Variants in ADCY7 observed in about 807,000 individuals in gnomAD.
ADCY7 encodes adenylate cyclase 7.
A neutral mutation model predicts 120.6 loss-of-function variants in ADCY7; 72 were observed. That is an observed-to-expected ratio of 0.60 (90% CI 0.49 to 0.73). The LOEUF is 0.73. Ranked by LOEUF, ADCY7 falls within the 30% of genes least tolerant of loss-of-function variation. The probability of loss-of-function intolerance (pLI) is 0.00; values close to 1 mark genes in which losing one functional copy is unlikely to be tolerated. For missense variants in ADCY7, 1,227 were observed against 1,486.0 expected (o/e 0.83, Z 2.87); for synonymous variants, 661 against 628.0 (o/e 1.05, Z -0.78).
At chr16:50,305,991 CG>C (rs2036040522) in intron 14 of ADCY7, 142 bp downstream of exon 14, 4 of 716,174 alleles carry the variant, frequency 5.6e-6, no homozygotes, top group Admixed American at 2.1e-5. Context: ...TGCTCCTGGG[CG>C]GGGGGCAGGG....
At chr16:50,313,068 C>T in intron 22 of ADCY7, 32 bp downstream of exon 22, 1 of 1,611,690 alleles carries the variant, frequency 6.2e-7, no homozygotes, top group East Asian at 2.2e-5. Context: ...TGCGCAGCAG[C>T]CCCCACCCAT....
chr16:50,310,472 T>C (rs1567579448), intron 18 of ADCY7: 2 of 1,536,310 alleles, frequency 1.3e-6, no homozygotes, highest in African/African-American at 2.7e-5. Flanking sequence ...TACTGTTTTT[T>C]CCCGTTTAAA....
chr16:50,311,801 C>CG lies in ADCY7; in HGVS notation c.2448+15_2448+16insG, dbSNP rs1491372621. 7 of 53,680 alleles carry CG rather than the reference C, an allele frequency of 1.3e-4. No individual in the cohort carries two copies. The highest frequency in any genetic ancestry group is 3.8e-4 in the African/African-American group (2 of 5,332). 3.3% of individuals were successfully genotyped at this position (53,680 alleles called of 1,614,324 possible). On this transcript the variant is annotated intron_variant, in intron 20 of 25. Coordinates refer to ENST00000673801, the MANE Select transcript of ADCY7 (RefSeq NM_001114.5). ...TCTCCAGACAGGTAAGGAGGCTGGC[C>CG]CCCCCCCCCCCCCCAAGCTCTGCCC...
chr16:50,315,041 G>C lies in ADCY7; in HGVS notation c.2999G>C (p.Gly1000Ala). The change falls in exon 25 of 26, where the codon GGA (glycine) becomes GCA (alanine). Residue 1000 changes from glycine to alanine, a missense_variant. By Grantham distance (60) the Gly-to-Ala change is moderately conservative. Transcript: ENST00000673801. ...VGINHGPVIA[G>A]VIGARKPQYD... is the part of the protein sequence containing the mutation. ...ATAAACCATGGGCCTGTGATTGCTG[G>C]AGTGATTGGGGCCCGAAAACCTCAG... The C allele has an allele frequency of 6.2e-7, 1 of 1,614,230 alleles. No individual in the cohort carries two copies. The highest frequency in any genetic ancestry group is 8.5e-7 in the Non-Finnish European group (1 of 1,180,038).
At chr16:50,304,033 C>T (rs1489110193) in intron 10 of ADCY7, among the ~76,000 whole-genome samples, 3 of 151,984 alleles carry the variant, frequency 2.0e-5, no homozygotes, top group Non-Finnish European at 4.4e-5. Context: ...CCAAGCCCTG[C>T]CTCTCTCCCT....
chr16:50,304,422 G>A lies in ADCY7; in HGVS notation c.1431G>A (p.Lys477=). 6.2e-7 allele frequency: 1 copy of A among 1,602,214 alleles called. No individual in the cohort carries two copies. Among genetic ancestry groups the A allele is most frequent in the Non-Finnish European group, 8.5e-7 (1 of 1,174,306 alleles). Residue 477 remains lysine (K), a synonymous_variant, in exon 11 of 26, where the codon AAG becomes AAA. Coordinates refer to ENST00000673801, the MANE Select transcript of ADCY7 (RefSeq NM_001114.5). The part of the protein sequence containing the change: ...LPRPKGDAAL[K]MRASVRMTRY... ...GGCCCAAGGGGGACGCGGCCCTGAA[G>A]ATGCGGGCGTCAGTGCGCATGACCC...
chr16:50,291,605 C>T (rs1257452025), intron 3 of ADCY7, 131 bp from the exon 4 acceptor site: 6 of 971,258 alleles, frequency 6.2e-6, no homozygotes, highest in Non-Finnish European at 9.4e-6. Context: ...GTATGTCTGC[C>T]CACGCAGGGG....
chr16:50,306,341 C>T (rs1158103890), intron 14 of ADCY7, among the ~76,000 whole-genome samples: 1 of 152,172 alleles, frequency 6.6e-6, no homozygotes, highest in Non-Finnish European at 1.5e-5. Flanking sequence ...AGGGGTGCTG[C>T]TATACCACTT....
chr16:50,313,874 C>G (rs2036628843), intron 22 of ADCY7, 84 bp from the exon 23 acceptor site: 2 of 1,155,110 alleles, frequency 1.7e-6, no homozygotes, highest in South Asian at 2.7e-5. Flanking sequence ...GTGGAGGGAA[C>G]CCCACACCCT....
intron 18 of ADCY7, 92 bp downstream of exon 18, chr16:50,309,738 A>G: frequency 8.9e-7 from 1 of 1,127,390 alleles, no homozygotes; most frequent in Non-Finnish European, 1.3e-6. Context: ...ATGGGTGCTG[A>G]CCCCTGAGAG....
At chr16:50,308,439 C>G (rs767900643) in intron 16 of ADCY7, 28 bp downstream of exon 16, 6 of 1,613,184 alleles carry the variant, frequency 3.7e-6, no homozygotes, top group Non-Finnish European at 5.1e-6. Flanking sequence ...GCCCCGCGGG[C>G]CCTCCCTCCC....
intron 23 of ADCY7, 45 bp from the exon 24 acceptor site, chr16:50,314,247 G>A (rs1408859503): frequency 1.6e-5 from 25 of 1,567,462 alleles, no homozygotes; most frequent in Middle Eastern, 1.7e-4. Context: ...ACTAGGTCTG[G>A]GGGCTCTGGA....
chr16:50,270,176 CAGATAGAT>C (rs35858506), intron 1 of ADCY7, among the ~76,000 whole-genome samples: 1,573 of 141,290 alleles, frequency 0.011, 16 homozygotes, highest in African/African-American at 0.026. Context: ...GACCCTGTCT[CAGATAGAT>C]AGATAGATAG....
intron 11 of ADCY7, 135 bp from the exon 12 acceptor site, chr16:50,304,790 A>T (rs1403774158): frequency 8.1e-7 from 1 of 1,238,340 alleles, no homozygotes; most frequent in Non-Finnish European, 1.2e-6. Context: ...TATAGTCAGG[A>T]TGTCTGTGGC....
chr16:50,245,914 C>G (rs2032565913), upstream of ADCY7, among the ~76,000 whole-genome samples: 1 of 150,646 alleles, frequency 6.6e-6, no homozygotes, highest in Non-Finnish European at 1.5e-5. Context: ...CCCGGCCGCT[C>G]CCTCCCGCGG....
intron 6 of ADCY7, among the ~76,000 whole-genome samples, chr16:50,293,946 C>A (rs185823011): frequency 1.3e-5 from 2 of 152,274 alleles, no homozygotes; most frequent in East Asian, 1.9e-4. Context: ...ATGCACTGAC[C>A]TGAGTTTGTC....
At chr16:50,299,608 G>A (rs551144372) in intron 8 of ADCY7, among the ~76,000 whole-genome samples, 42 of 152,332 alleles carry the variant, frequency 2.8e-4, no homozygotes, top group East Asian at 9.7e-4. Context: ...GGGGCTGCCC[G>A]TCCTGGATAT....
intron 17 of ADCY7, 61 bp from the exon 18 acceptor site, chr16:50,309,487 T>A: frequency 7.0e-7 from 1 of 1,435,786 alleles, no homozygotes. Flanking sequence ...CCACCTTGCA[T>A]GGCTTGGGCA....
chr16:50,265,421 T>C (rs572636027), upstream of ADCY7, among the ~76,000 whole-genome samples: 2 of 152,342 alleles, frequency 1.3e-5, no homozygotes, highest in South Asian at 4.1e-4. Context: ...GATCACCTGC[T>C]AGTTCCCTGC....
Sources: gnomAD v4.1 joint callset for allele counts (sites outside exome capture counted in the v4.1 genomes callset) on GRCh38, gnomAD v4.1.1 for gene constraint, MANE v1.5 for transcripts, NCBI Gene and HGNC (gene_info 2026-07-23, HGNC 2026-07-21) for gene names.